CDCP1: variants seen among roughly 807,000 people sequenced by gnomAD.
CDCP1 encodes CUB domain-containing protein 1.
Under a neutral mutation model 60.2 loss-of-function variants are expected in CDCP1, and 29 were observed. The ratio of observed to expected loss-of-function variants is 0.48; its 90% CI spans 0.36 to 0.66. The LOEUF (loss-of-function observed/expected upper bound fraction) is 0.66, where lower values mean the gene tolerates loss of function less well. Among genes scored for constraint, CDCP1 ranks in the 30% least tolerant of loss-of-function variants. CDCP1 has a pLI of 0.00. For synonymous variants in CDCP1, 387 were observed against 431.1 expected (o/e 0.90, Z 1.27); for missense variants, 876 against 1,074.3 (o/e 0.82, Z 2.58).
chr3:45,099,009 C>T (rs191679884), intron 4 of CDCP1, among the ~76,000 whole-genome samples: 30 of 152,222 alleles, frequency 2.0e-4, no homozygotes, highest in Admixed American at 4.6e-4. Flanking sequence ...AAAGGGGCTG[C>T]TCTTGATGCC....
At chr3:45,140,532 G>A (rs1699271363) in intron 1 of CDCP1, among the ~76,000 whole-genome samples, 2 of 152,156 alleles carry the variant, frequency 1.3e-5, no homozygotes, top group South Asian at 4.1e-4. Context: ...TCCTATGACC[G>A]AGCTGGGTTC....
In CDCP1 at chr3:45,140,666, G is replaced by A. The variant is rs75116836; in HGVS notation, c.82+5540C>T. On this transcript the variant is annotated intron_variant, in intron 1 of 8. Transcript: ENST00000296129. ...TTAGTAAGAGCAATTGTTTGAGGACGGAGAATTAAATGACACGCAGACCTA... is the reference window on the plus strand; with the variant it reads ...TTAGTAAGAGCAATTGTTTGAGGACAGAGAATTAAATGACACGCAGACCTA... 3.6e-3 allele frequency among the ~76,000 whole-genome samples: 553 copies of A among 152,252 alleles called. 8 individuals are homozygous for A. The highest frequency in any genetic ancestry group is 4.8e-3 in the Non-Finnish European group (325 of 68,020).
intron 1 of CDCP1, among the ~76,000 whole-genome samples, chr3:45,131,311 A>C (rs916887494): frequency 1.3e-5 from 2 of 152,176 alleles, no homozygotes; most frequent in Admixed American, 6.5e-5. Flanking sequence ...TGCATACACA[A>C]ACTTTATCAT....
At chr3:45,108,537 G>A (rs1335106171) in intron 4 of CDCP1, among the ~76,000 whole-genome samples, 1 of 151,756 alleles carries the variant, frequency 6.6e-6, no homozygotes, top group African/African-American at 2.4e-5. Context: ...CACCATGACT[G>A]AGGTGATAAA....
At chr3:45,141,687 G>T (rs1699292808) in intron 1 of CDCP1, among the ~76,000 whole-genome samples, 1 of 152,202 alleles carries the variant, frequency 6.6e-6, no homozygotes, top group African/African-American at 2.4e-5. Context: ...AAAGGGGCGA[G>T]GGAAGGAGCC....
chr3:45,096,291 A>G (rs1698396878), intron 4 of CDCP1, among the ~76,000 whole-genome samples: 1 of 152,212 alleles, frequency 6.6e-6, no homozygotes, highest in African/African-American at 2.4e-5. Context: ...TAGATAAACT[A>G]TGGGGACATT....
At position 45,131,177 on chromosome 3, in the gene CDCP1, T is replaced by TA. The variant is rs536043876; in HGVS notation, c.83-12557dup. Reference sequence around the variant, plus strand: ...GTGCCTGACCTATGCTTCACTTCTTTAAAAAAATTTTTTTTATTGTGGTTA... The same window carrying TA: ...GTGCCTGACCTATGCTTCACTTCTTTAAAAAAAATTTTTTTTATTGTGGTTA... On this transcript the variant is annotated intron_variant, in intron 1 of 8. Coordinates refer to ENST00000296129, the MANE Select transcript of CDCP1 (RefSeq NM_022842.5). 2.2e-4 allele frequency among the ~76,000 whole-genome samples: 33 copies of TA among 151,474 alleles called. No homozygotes were observed. In the South Asian group the frequency reaches 4.4e-3, roughly 20 times the overall value.
intron 4 of CDCP1, among the ~76,000 whole-genome samples, chr3:45,102,330 A>C (rs538170067): frequency 6.6e-6 from 1 of 151,990 alleles, no homozygotes; most frequent in Admixed American, 6.6e-5. Flanking sequence ...TCGGCCTCCC[A>C]AAGTGCTGGG....
intron 4 of CDCP1, chr3:45,110,070 G>T: frequency 5.5e-6 from 2 of 366,352 alleles, no homozygotes; most frequent in Non-Finnish European, 8.0e-6. Context: ...CCTAACACAA[G>T]ATGACATGCA....
intron 8 of CDCP1, among the ~76,000 whole-genome samples, chr3:45,087,962 C>T (rs367685969): frequency 6.1e-4 from 92 of 151,278 alleles, no homozygotes; most frequent in Non-Finnish European, 1.1e-3. Flanking sequence ...GCGGAGGTTG[C>T]GGTGAGCCGA....
chr3:45,097,572 C>G (rs1000612555), intron 4 of CDCP1, among the ~76,000 whole-genome samples: 2 of 150,766 alleles, frequency 1.3e-5, no homozygotes, highest in Non-Finnish European at 2.9e-5. Context: ...GCTAACTTTG[C>G]AATTCAAGGG....
chr3:45,133,112 C>T (rs2126007115), intron 1 of CDCP1, among the ~76,000 whole-genome samples: 1 of 152,226 alleles, frequency 6.6e-6, no homozygotes, highest in East Asian at 1.9e-4. Context: ...GAGGGGTCCA[C>T]ATGACAAGGA....
intron 8 of CDCP1, among the ~76,000 whole-genome samples, chr3:45,088,457 A>G (rs918317517): frequency 6.6e-6 from 1 of 152,184 alleles, no homozygotes; most frequent in African/African-American, 2.4e-5. Context: ...CTGGCAACAG[A>G]GCAAGACTCT....
chr3:45,100,912 C>T (rs1336984712), intron 4 of CDCP1, among the ~76,000 whole-genome samples: 1 of 152,178 alleles, frequency 6.6e-6, no homozygotes, highest in Non-Finnish European at 1.5e-5. Context: ...GTGTGTAAAT[C>T]AGCTGAGGCT....
intron 1 of CDCP1, among the ~76,000 whole-genome samples, chr3:45,132,795 T>C (rs1328388645): frequency 6.6e-6 from 1 of 152,162 alleles, no homozygotes; most frequent in Non-Finnish European, 1.5e-5. Context: ...TCATTACCAT[T>C]CCGACAGAGG....
At chr3:45,118,254 C>CT (rs1285191494) in intron 2 of CDCP1, among the ~76,000 whole-genome samples, 158 bp downstream of exon 2, 3 of 152,202 alleles carry the variant, frequency 2.0e-5, no homozygotes, top group African/African-American at 7.2e-5. Flanking sequence ...ATTTAGAACT[C>CT]TAACTGGCCA....
At chr3:45,087,321 C>A (rs1388587894) in intron 8 of CDCP1, among the ~76,000 whole-genome samples, 2 of 152,190 alleles carry the variant, frequency 1.3e-5, no homozygotes, top group Non-Finnish European at 2.9e-5. Context: ...CTTATGCAAA[C>A]CTGCCAGCCA....
rs115460337 is a variant in CDCP1 at position 45,109,800 on chromosome 3, G to A, written c.1024+673C>T. ...TTACCCTAGTCCTGGCCTTAACTCC[G>A]CTTTTCTATGTTCATGGCATCTCAG... is the stretch of plus-strand genomic sequence containing the variant. On this transcript the variant is annotated intron_variant, in intron 4 of 8. Transcript: ENST00000296129. Among the ~76,000 whole-genome samples the A allele has an allele frequency of 3.0e-3, 460 of 152,026 alleles. 1 individual carries two copies. The highest frequency in any genetic ancestry group is 0.01 in the African/African-American group (427 of 41,486).
intron 1 of CDCP1, among the ~76,000 whole-genome samples, chr3:45,125,726 G>A (rs1290222563): frequency 6.6e-6 from 1 of 152,228 alleles, no homozygotes; most frequent in Non-Finnish European, 1.5e-5. Flanking sequence ...GGCAGGCAAA[G>A]CACTGAAGAG....
Sources: allele counts gnomAD v4.1 joint callset (sites outside exome capture counted in the v4.1 genomes callset), GRCh38; gene constraint gnomAD v4.1.1; transcripts MANE v1.5; gene names NCBI Gene and HGNC (gene_info 2026-07-23, HGNC 2026-07-21).